The following KIAA0319L variants were observed in gnomAD, a reference collection of about 807,000 sequenced individuals.
The protein encoded by KIAA0319L is dyslexia-associated protein KIAA0319-like protein.
Under a neutral mutation model 120.1 loss-of-function variants are expected in KIAA0319L, and 55 were observed. That is an observed-to-expected ratio of 0.46 (90% confidence interval 0.37 to 0.57). The LOEUF (loss-of-function observed/expected upper bound fraction) is 0.57, where lower values mean the gene tolerates loss of function less well. Among genes scored for constraint, KIAA0319L ranks in the 20% least tolerant of loss-of-function variants. The pLI, the probability that KIAA0319L is intolerant of heterozygous loss-of-function variation, is 0.00. For synonymous variants in KIAA0319L, 398 were observed against 471.9 expected, an observed-to-expected ratio of 0.84 and a Z score of 2.03; for missense variants, 1,049 against 1,255.3, an observed-to-expected ratio of 0.84 and a Z score of 2.48.
Position 35,506,913 on chromosome 1 carries a change from T to G in KIAA0319L, c.365A>C (p.His122Pro), listed in dbSNP as rs765342779. 1.9e-6 allele frequency: 3 copies of G among 1,613,736 alleles called. No homozygotes were observed. ...RPQSCRAFRTHSSNSMLVFLK... is the reference protein window; with the variant it reads ...RPQSCRAFRTPSSNSMLVFLK... ...AAACACCAGCATGGAATTGGAGGAG[T>G]GTGTCCTAAAAGCCCGGCAGCTCTG... Residue 122 changes from histidine to proline, a missense_variant, in exon 3 of 21, where the codon CAC (histidine) becomes CCC (proline). Physicochemically the swap from His to Pro is moderately conservative, Grantham distance 77. Coordinates refer to ENST00000325722, the MANE Select transcript of KIAA0319L (RefSeq NM_024874.5). This position sits in a 1 kb window ranked among gnomAD's most constrained non-coding sequence, Gnocchi z 4.0.
chr1:35,540,283 C>T (rs1404932756), intron 2 of KIAA0319L, among the ~76,000 whole-genome samples: 1 of 152,196 alleles, frequency 6.6e-6, no homozygotes, highest in African/African-American at 2.4e-5. Flanking sequence ...CTTCTTAGGG[C>T]ATTTTATAGT....
At chr1:35,551,426 T>C (rs1437508072) in intron 2 of KIAA0319L, among the ~76,000 whole-genome samples, 1 of 152,194 alleles carries the variant, frequency 6.6e-6, no homozygotes, top group Non-Finnish European at 1.5e-5. Context: ...CAAGCGATTC[T>C]CCTGCCTCAG....
chr1:35,440,239 T>C (rs1314115874), intron 20 of KIAA0319L: 1 of 152,238 alleles, frequency 6.6e-6, no homozygotes, highest in Non-Finnish European at 1.5e-5. Context: ...CTGTGTGTCT[T>C]TTCTCCCTCA....
intron 2 of KIAA0319L, among the ~76,000 whole-genome samples, chr1:35,522,744 G>A (rs1037871912): frequency 2.0e-5 from 3 of 151,832 alleles, no homozygotes; most frequent in South Asian, 2.1e-4. Context: ...TGGGCCGGGC[G>A]CGGGGGCTCA....
chr1:35,526,437 A>G lies in KIAA0319L; in HGVS notation c.143-19302T>C, dbSNP rs188525220. Among the ~76,000 whole-genome samples, 828 of 146,078 alleles carry G rather than the reference A, an allele frequency of 5.7e-3. 13 individuals carry two copies. The highest frequency in any genetic ancestry group is 0.02 in the African/African-American group (796 of 40,080). On this transcript the variant is annotated intron_variant, in intron 2 of 20. Coordinates refer to ENST00000325722, the MANE Select transcript of KIAA0319L (RefSeq NM_024874.5). ...CACACATACATATATATATGTATAT[A>G]TATATATATATATTTGTGGGTTTTT...
At chr1:35,483,434 A>T (rs1644251179) in intron 3 of KIAA0319L, among the ~76,000 whole-genome samples, 1 of 152,162 alleles carries the variant, frequency 6.6e-6, no homozygotes, top group East Asian at 1.9e-4. Context: ...GTAAGGGTCA[A>T]GGTTCATGTT....
chr1:35,513,582 A>T (rs993066235), intron 2 of KIAA0319L, among the ~76,000 whole-genome samples: 1 of 152,008 alleles, frequency 6.6e-6, no homozygotes, highest in Non-Finnish European at 1.5e-5. Flanking sequence ...ATGCCATCAC[A>T]CTCCAGCCTG....
At chr1:35,460,912 A>G (rs1460603836) in intron 8 of KIAA0319L, among the ~76,000 whole-genome samples, 2 of 152,214 alleles carry the variant, frequency 1.3e-5, no homozygotes, top group Non-Finnish European at 2.9e-5. Context: ...TACTTTGGCA[A>G]TATTTATCTC....
intron 15 of KIAA0319L, among the ~76,000 whole-genome samples, chr1:35,449,519 ACTCTGAGCCCT>A (rs1641889946): frequency 6.6e-6 from 1 of 152,142 alleles, no homozygotes; most frequent in Non-Finnish European, 1.5e-5. Context: ...ATTCCCAAGC[ACTCTGAGCCCT>A]CTCTCATCAG....
intron 2 of KIAA0319L, among the ~76,000 whole-genome samples, chr1:35,538,174 G>C (rs1646654044): frequency 6.6e-6 from 1 of 151,962 alleles, no homozygotes; most frequent in Admixed American, 6.6e-5. Flanking sequence ...GCAGGAACTT[G>C]GTTTTATTTA....
At chr1:35,520,397 CTCTT>C (rs1645863894) in intron 2 of KIAA0319L, among the ~76,000 whole-genome samples, 1 of 152,006 alleles carries the variant, frequency 6.6e-6, no homozygotes, top group African/African-American at 2.4e-5. Context: ...TGCACCCGGC[CTCTT>C]TTTTTTCTTT....
At chr1:35,478,147 A>G (rs989543898) in intron 4 of KIAA0319L, among the ~76,000 whole-genome samples, 5 of 152,228 alleles carry the variant, frequency 3.3e-5, no homozygotes, top group Admixed American at 6.5e-5. Context: ...TAAGCCAGGC[A>G]CAGACAAACA....
intron 2 of KIAA0319L, among the ~76,000 whole-genome samples, chr1:35,512,759 C>G (rs1222240624): frequency 6.7e-6 from 1 of 150,356 alleles, no homozygotes; most frequent in Non-Finnish European, 1.5e-5. Flanking sequence ...ATTCCAGCTA[C>G]TTGGGAGGCT....
intron 5 of KIAA0319L, among the ~76,000 whole-genome samples, chr1:35,472,649 A>G (rs1643694522): frequency 6.6e-6 from 1 of 152,032 alleles, no homozygotes; most frequent in Non-Finnish European, 1.5e-5. Flanking sequence ...GCCATAGGGC[A>G]GGAGAAGGAT....
In KIAA0319L at chr1:35,506,733, A is replaced by G. The variant is rs546658081; in HGVS notation, c.545T>C (p.Leu182Ser). The change falls in exon 3 of 21, where the codon TTA becomes TCA. Residue 182 changes from leucine to serine, a missense_variant. By Grantham distance (145) the Leu-to-Ser change is moderately radical. Transcript: ENST00000325722. The surrounding 1 kb of genome is among the most constrained non-coding windows in gnomAD (Gnocchi z 4.0). ...ACCTCTCTTCTGAAGCTTCCTGATT[A>G]AGCTCTGCTGGTCACTGGAAGATAC... is the stretch of plus-strand genomic sequence containing the variant. ...PAVSSSDQQS[L>S]IRKLQKRGSP... is the part of the protein sequence containing the mutation. 73 of 1,614,188 alleles carry G rather than the reference A, an allele frequency of 4.5e-5. No individual in the cohort carries two copies. Among genetic ancestry groups the G allele is most frequent in the Non-Finnish European group, 5.9e-5 (70 of 1,180,024 alleles).
At chr1:35,454,630 T>G in intron 10 of KIAA0319L, 145 bp from the exon 11 acceptor site, 1 of 1,427,006 alleles carries the variant, frequency 7.0e-7, no homozygotes, top group East Asian at 2.5e-5. Context: ...AGCATGTGAG[T>G]GAATATGGAG....
At chr1:35,470,474 C>T (rs1255032423) in intron 6 of KIAA0319L, among the ~76,000 whole-genome samples, 1 of 112,602 alleles carries the variant, frequency 8.9e-6, no homozygotes, top group Non-Finnish European at 1.7e-5. Context: ...GCCTAGGTGA[C>T]AGAGCAAGAC....
intron 9 of KIAA0319L, among the ~76,000 whole-genome samples, chr1:35,456,552 C>T (rs768806311): frequency 6.6e-6 from 1 of 151,708 alleles, no homozygotes; most frequent in Admixed American, 6.5e-5. Context: ...TGGCACACAC[C>T]TGTAATCCCA....
At chr1:35,531,927 T>C (rs962424945) in intron 2 of KIAA0319L, among the ~76,000 whole-genome samples, 9 of 152,158 alleles carry the variant, frequency 5.9e-5, no homozygotes, top group Admixed American at 2.0e-4. Context: ...TAGCGGGCTA[T>C]AGTGTTGCTA....
Sources: allele counts gnomAD v4.1 joint callset (sites outside exome capture counted in the v4.1 genomes callset), GRCh38; gene constraint gnomAD v4.1.1; non-coding constraint Gnocchi (gnomAD v3.1); transcripts MANE v1.5; gene names NCBI Gene and HGNC (gene_info 2026-07-23, HGNC 2026-07-21).